The following B3GAT1 variants were observed in gnomAD, a reference collection of about 807,000 sequenced individuals.
B3GAT1 encodes galactosylgalactosylxylosylprotein 3-beta-glucuronosyltransferase 1.
In B3GAT1, 11 loss-of-function variants were observed where a neutral mutation model predicts 28.4. That is an observed-to-expected ratio of 0.39 (90% CI 0.24 to 0.64). The LOEUF (loss-of-function observed/expected upper bound fraction) is 0.64. Among genes scored for constraint, B3GAT1 ranks in the 30% least tolerant of loss-of-function variants. The pLI, the probability that B3GAT1 is intolerant of heterozygous loss-of-function variation, is 0.50. For synonymous variants in B3GAT1, 255 were observed against 223.1 expected (o/e 1.14, Z -1.27); for missense variants, 375 against 491.0 (o/e 0.76, Z 2.23).
chr11:134,381,910 C>G lies in B3GAT1; in HGVS notation c.*14+14G>C, dbSNP rs201593909. ...CCCTGCCCAGTGTGTGGCCCACCCT[C>G]GTCATGCCCATACCTGCATCCTGAG... On this transcript the variant is annotated intron_variant, in intron 5 of 5. Coordinates refer to ENST00000312527, the MANE Select transcript of B3GAT1 (RefSeq NM_054025.3). 54 of 1,607,194 alleles carry G rather than the reference C, an allele frequency of 3.4e-5. 2 individuals are homozygous for G. In the Middle Eastern group the frequency reaches 6.0e-3, roughly 177 times the overall value.
At position 134,381,992 on chromosome 11, in the gene B3GAT1, T is replaced by G; in HGVS notation, c.951A>C (p.Pro317=). The G allele has an allele frequency of 6.2e-7, 1 of 1,614,174 alleles. No homozygotes were observed. ...ILVWHTRTEK[P]VLVNEGKKGF... is the part of the protein sequence containing the mutation. ...CCTTCTTGCCCTCATTCACCAGCAC[T>G]GGCTTCTCTGTCCGTGTGTGCCACA... Residue 317 remains proline, a synonymous_variant, in exon 5 of 6, where the codon CCA becomes CCC. Coordinates refer to ENST00000312527, the MANE Select transcript of B3GAT1 (RefSeq NM_054025.3).
intron 1 of B3GAT1, among the ~76,000 whole-genome samples, chr11:134,404,347 A>G (rs1944687912): frequency 6.6e-6 from 1 of 152,022 alleles, no homozygotes; most frequent in Admixed American, 6.6e-5. Context: ...AATGGCCGAG[A>G]TGAGACAGAT....
At chr11:134,384,221 A>G (rs771061202) in intron 2 of B3GAT1, 33 bp from the exon 3 acceptor site, 1 of 1,516,620 alleles carries the variant, frequency 6.6e-7, no homozygotes, top group South Asian at 1.3e-5. Context: ...ATGTGGGAGG[A>G]GAGCGCCGGC....
intron 1 of B3GAT1, among the ~76,000 whole-genome samples, chr11:134,402,475 G>A (rs950686205): frequency 6.6e-6 from 1 of 152,064 alleles, no homozygotes; most frequent in Non-Finnish European, 1.5e-5. Context: ...GCAGGCTCAG[G>A]CTCCTGGAGA....
chr11:134,392,717 G>A (rs1207753752), intron 1 of B3GAT1, among the ~76,000 whole-genome samples: 1 of 152,114 alleles, frequency 6.6e-6, no homozygotes, highest in African/African-American at 2.4e-5. Flanking sequence ...CTGTGAATAA[G>A]GACTAGGGGG....
intron 1 of B3GAT1, among the ~76,000 whole-genome samples, chr11:134,404,521 A>G (rs1413006044): frequency 6.6e-6 from 1 of 152,192 alleles, no homozygotes; most frequent in Non-Finnish European, 1.5e-5. Flanking sequence ...CAAGGACAGC[A>G]CACTCCTCGG....
intron 1 of B3GAT1, among the ~76,000 whole-genome samples, chr11:134,403,767 A>G (rs1944666899): frequency 6.6e-6 from 1 of 152,034 alleles, no homozygotes; most frequent in Non-Finnish European, 1.5e-5. Flanking sequence ...TTAAAAAGGG[A>G]GAACATTTTA....
chr11:134,387,401 G>C, intron 2 of B3GAT1, 147 bp downstream of exon 2: 1 of 1,070,626 alleles, frequency 9.3e-7, no homozygotes, highest in Non-Finnish European at 1.3e-6. Context: ...CATTCCCAAA[G>C]GGGTGCAAGA....
chr11:134,400,944 C>T (rs1339267351), intron 1 of B3GAT1, among the ~76,000 whole-genome samples: 3 of 152,156 alleles, frequency 2.0e-5, no homozygotes, highest in African/African-American at 4.8e-5. Context: ...AACACATGAA[C>T]AGACACTTCT....
rs1944319618 is a variant in B3GAT1, at chr11:134,387,646, C to T, written c.14G>A (p.Arg5Gln). The T allele has an allele frequency of 3.1e-6, 5 of 1,613,990 alleles. No homozygotes were observed. Among genetic ancestry groups the T allele is most frequent in the Admixed American group, 1.7e-5 (1 of 60,004 alleles). ...GATGAGGACGATCGCTAGGATGTCC[C>T]GTCTCTTCGGCATCTCCAAGGCTGG... MPKRRDILAIVLIVL... is the reference protein window; with the variant it reads MPKRQDILAIVLIVL... The change falls in exon 2 of 6, where the codon CGG becomes CAG. Residue 5 changes from arginine (R) to glutamine (Q), a missense_variant. Arg to Gln is a conservative substitution (Grantham distance 43). Coordinates refer to ENST00000312527, the MANE Select transcript of B3GAT1 (RefSeq NM_054025.3).
At chr11:134,399,803 C>G (rs919646005) in intron 1 of B3GAT1, among the ~76,000 whole-genome samples, 6 of 152,180 alleles carry the variant, frequency 3.9e-5, no homozygotes, top group Non-Finnish European at 8.8e-5. Flanking sequence ...CAGCATGGAG[C>G]CTGGCACAGG....
intron 2 of B3GAT1, chr11:134,387,033 C>A: frequency 6.1e-6 from 1 of 164,892 alleles, no homozygotes. Flanking sequence ...CCTAAACCAC[C>A]CCAGGGCGAT....
chr11:134,380,946 C>T (rs56111637), intron 5 of B3GAT1, among the ~76,000 whole-genome samples, 199 bp from the exon 6 acceptor site: 24,027 of 152,142 alleles, frequency 0.16, 2,074 homozygotes, highest in Non-Finnish European at 0.17. Flanking sequence ...GGTACAGATG[C>T]ATTCTAAGTG....
At chr11:134,404,018 T>TAC (rs1944678218) in intron 1 of B3GAT1, among the ~76,000 whole-genome samples, 1 of 123,200 alleles carries the variant, frequency 8.1e-6, no homozygotes, top group Non-Finnish European at 1.7e-5. Flanking sequence ...TATATATATA[T>TAC]ATATATATAT....
rs1363703461 is a variant in B3GAT1 at position 134,379,821 on chromosome 11, G to A, written c.*941C>T. On this transcript the variant is annotated 3_prime_UTR_variant, in exon 6 of 6. Transcript: ENST00000312527. ...CACCGCCTTGCCCACTGCCCACCAT[G>A]GGCTCACTCCACCCTGAGGTCTGTG... 7.1e-6 allele frequency: 1 copy of A among 140,052 alleles called. No individual in the cohort carries two copies. Among genetic ancestry groups the A allele is most frequent in the African/African-American group, 2.5e-5 (1 of 39,664 alleles). 8.7% of individuals were successfully genotyped at this position (140,052 alleles called of 1,614,324 possible). A position where few individuals can be genotyped will look rare whatever the true frequency, so the allele number is the denominator to read the frequency against.
chr11:134,407,036 C>T (rs967609247), intron 1 of B3GAT1, among the ~76,000 whole-genome samples: 3 of 149,334 alleles, frequency 2.0e-5, no homozygotes, highest in African/African-American at 7.5e-5. Flanking sequence ...TCCGTGCTGC[C>T]GGGAACGTTC....
At chr11:134,384,251 C>A in intron 2 of B3GAT1, 63 bp from the exon 3 acceptor site, 1 of 1,480,022 alleles carries the variant, frequency 6.8e-7, no homozygotes, top group Non-Finnish European at 8.9e-7. Context: ...GGATTCAGAG[C>A]GGGACGCCAC....
chr11:134,388,316 T>C, intron 1 of B3GAT1: 1 of 195,906 alleles, frequency 5.1e-6, no homozygotes, highest in East Asian at 1.0e-4. Context: ...CCCTACCTCA[T>C]AAGGTCATTC....
intron 1 of B3GAT1, among the ~76,000 whole-genome samples, chr11:134,407,943 G>A (rs1476834375): frequency 6.6e-6 from 1 of 151,936 alleles, no homozygotes; most frequent in Non-Finnish European, 1.5e-5. Context: ...GATAAGAAGG[G>A]CTCACAGATC....
Sources: gnomAD v4.1 joint callset for allele counts (sites outside exome capture counted in the v4.1 genomes callset) on GRCh38, gnomAD v4.1.1 for gene constraint, MANE v1.5 for transcripts, NCBI Gene and HGNC (gene_info 2026-07-23, HGNC 2026-07-21) for gene names.